PISD: variants seen among roughly 807,000 people sequenced by gnomAD.
The protein encoded by PISD is phosphatidylserine decarboxylase proenzyme, mitochondrial.
In PISD, 31 loss-of-function variants were observed where a neutral mutation model predicts 43.5. The observed-to-expected ratio is 0.71, with a 90% confidence interval of 0.54 to 0.96. The LOEUF is 0.96. PISD is among the 40% of genes least tolerant of loss of function. The pLI is 0.00. For missense variants in PISD, 523 were observed against 548.4 expected (o/e 0.95, Z 0.46); for synonymous variants, 259 against 228.7 (o/e 1.13, Z -1.20).
At chr22:31,634,789 G>C (rs2073357688) in intron 3 of PISD, among the ~76,000 whole-genome samples, 1 of 124,528 alleles carries the variant, frequency 8.0e-6, no homozygotes, top group African/African-American at 3.1e-5. Flanking sequence ...AGTGAGCTGA[G>C]ATTGCCACTG....
At chr22:31,657,345 C>A (rs2074207915) in intron 1 of PISD, among the ~76,000 whole-genome samples, 1 of 151,976 alleles carries the variant, frequency 6.6e-6, no homozygotes, top group Non-Finnish European at 1.5e-5. Context: ...CCTTCTTGGC[C>A]AGACTGATCT....
Position 31,619,122 on chromosome 22 carries a change from G to A in PISD, c.*490C>T, listed in dbSNP as rs17833937. 1.8e-3 allele frequency: 443 copies of A among 242,506 alleles called. 4 individuals carry two copies. The highest frequency in any genetic ancestry group is 8.7e-3 in the South Asian group (187 of 21,394). 15.0% of individuals were successfully genotyped at this position (242,506 alleles called of 1,614,324 possible). ...TGTGGGAACGGAAAGCAGTTGTCACGAAGGCTGTGTGGCTCTGCTGGGGGA... is the reference window on the plus strand; with the variant it reads ...TGTGGGAACGGAAAGCAGTTGTCACAAAGGCTGTGTGGCTCTGCTGGGGGA... On this transcript the variant is annotated 3_prime_UTR_variant, in exon 8 of 8. Coordinates refer to ENST00000439502, the MANE Select transcript of PISD (RefSeq NM_001326411.2).
At position 31,621,808 on chromosome 22, in the gene PISD, G is replaced by A. The variant is rs1410883373; in HGVS notation, c.399C>T (p.His133=). 1.2e-6 allele frequency: 2 copies of A among 1,613,772 alleles called. No homozygotes were observed. The highest frequency in any genetic ancestry group is 1.7e-6 in the Non-Finnish European group (2 of 1,180,030). Residue 133 remains histidine (H), a synonymous_variant, in exon 4 of 8, where the codon CAC becomes CAT. Transcript: ENST00000439502. ...WGRLNQVELP[H]WLRRPVYSLY... Reference sequence around the variant, plus strand: ...GGCTGTAGACGGGCCTGCGCAGCCAGTGTGGCAGCTCCACCTGATTGAGGC... The same window carrying A: ...GGCTGTAGACGGGCCTGCGCAGCCAATGTGGCAGCTCCACCTGATTGAGGC...
upstream of PISD, chr22:31,662,324 CCGA>C: frequency 9.4e-7 from 1 of 1,060,242 alleles, no homozygotes; most frequent in Non-Finnish European, 1.4e-6. Flanking sequence ...GGGGGCGGAG[CCGA>C]CTAAGCTCCG....
At chr22:31,646,678 GT>G (rs760222952) in intron 3 of PISD, among the ~76,000 whole-genome samples, 4 of 152,084 alleles carry the variant, frequency 2.6e-5, no homozygotes, top group Non-Finnish European at 5.9e-5. Flanking sequence ...CTTGAGGGGG[GT>G]CATGCAGTCA....
rs1601440267 is a variant in PISD, at chr22:31,651,530, C to T, written c.66-752G>A. On this transcript the variant is annotated intron_variant, in intron 1 of 7. Coordinates refer to ENST00000439502, the MANE Select transcript of PISD (RefSeq NM_001326411.2). ...TTGGGAGGCCGAGGCGGGCAGATCA[C>T]CTGAGGTTGGGAGTTCGAGACCAGC... Among the ~76,000 whole-genome samples, 3 of 152,094 alleles carry T rather than the reference C, an allele frequency of 2.0e-5. No homozygotes were observed. The East Asian group carries it at 5.8e-4, about 29-fold the overall frequency.
At position 31,618,527 on chromosome 22, in the gene PISD, C is replaced by CAATT. The variant is rs562756194; in HGVS notation, c.*1081_*1084dup. The stretch of plus-strand genomic sequence containing the variant: ...ATTTTTTTTATTTCAAAATGCTTTG[C>CAATT]AATTAAATGAATTACTGTTCAGAAG... On this transcript the variant is annotated 3_prime_UTR_variant, in exon 8 of 8. Transcript: ENST00000439502. 5.1e-4 allele frequency: 571 copies of CAATT among 1,113,136 alleles called. 2 individuals are homozygous for CAATT. Among genetic ancestry groups the CAATT allele is most frequent in the African/African-American group, 3.5e-3 (224 of 63,360 alleles). 69.0% of individuals were successfully genotyped at this position (1,113,136 alleles called of 1,614,324 possible). A position where few individuals can be genotyped will look rare whatever the true frequency, so the allele number is the denominator to read the frequency against.
intron 3 of PISD, among the ~76,000 whole-genome samples, chr22:31,646,610 AG>A (rs1279357710): frequency 6.6e-6 from 1 of 152,226 alleles, no homozygotes; most frequent in African/African-American, 2.4e-5. Flanking sequence ...AGCTCATCAC[AG>A]GGTGAGTCAG....
At chr22:31,656,171 C>G (rs996012708) in intron 1 of PISD, among the ~76,000 whole-genome samples, 1 of 151,892 alleles carries the variant, frequency 6.6e-6, no homozygotes, top group Non-Finnish European at 1.5e-5. Context: ...GGTGAAACCC[C>G]GTCTCTACTA....
At chr22:31,643,959 A>T (rs1195559897) in intron 3 of PISD, among the ~76,000 whole-genome samples, 2 of 151,936 alleles carry the variant, frequency 1.3e-5, no homozygotes, top group Admixed American at 1.3e-4. Flanking sequence ...GAGGCAGGAG[A>T]ATGGCTTGAA....
Position 31,662,157 on chromosome 22 carries a change from G to A in PISD, c.52C>T (p.Pro18Ser). Residue 18 changes from proline to serine, a missense_variant, in exon 1 of 8, where the codon CCG (proline) becomes TCG (serine). Transcript: ENST00000439502. ...GCGCTGCTATACCTGCTCCGCCACGGCGCGACCCCGTGCAGTAATCCCAGA... is the reference window on the plus strand; with the variant it reads ...GCGCTGCTATACCTGCTCCGCCACGACGCGACCCCGTGCAGTAATCCCAGA... ...RCLGLLHGVA[P>S]WRSSLHPCEI... 3.1e-6 allele frequency: 5 copies of A among 1,607,238 alleles called. No homozygotes were observed. Among genetic ancestry groups the A allele is most frequent in the Non-Finnish European group, 4.2e-6 (5 of 1,179,796 alleles).
intron 3 of PISD, chr22:31,623,879 G>A (rs984570397): frequency 5.0e-6 from 8 of 1,600,528 alleles, no homozygotes; most frequent in Non-Finnish European, 6.8e-6. Context: ...GCACAGCCAG[G>A]TCAGTGGCCA....
intron 3 of PISD, chr22:31,629,099 C>T: frequency 1.0e-6 from 1 of 985,502 alleles, no homozygotes; most frequent in African/African-American, 1.7e-5. Flanking sequence ...CCACCCGTCC[C>T]TCACCAACCA....
intron 3 of PISD, chr22:31,627,991 G>A (rs554766764): frequency 3.3e-4 from 326 of 981,882 alleles, no homozygotes; most frequent in Non-Finnish European, 3.8e-4. Flanking sequence ...AGGCCAGGCT[G>A]GGGCACCGCA....
upstream of PISD, chr22:31,662,402 T>C (rs920976527): frequency 5.7e-5 from 34 of 598,934 alleles, no homozygotes; most frequent in African/African-American, 5.4e-4. Flanking sequence ...AGTGGAGCTG[T>C]AGGTTTCGCT....
chr22:31,619,675 G>A lies in PISD; in HGVS notation c.1167C>T (p.Asp389=), dbSNP rs778860398. The change falls in exon 8 of 8, where the codon GAC becomes GAT. Residue 389 remains aspartate (D), a synonymous_variant. Coordinates refer to ENST00000439502, the MANE Select transcript of PISD (RefSeq NM_001326411.2). The part of the protein sequence containing the change: ...TIVLIFEAPK[D]FNFQLKTGQK... ...GTCCTGTTTTCAGCTGGAAATTGAA[G>A]TCCTTGGGGGCCTCGAAGATGAGCA... 3 of 1,614,240 alleles carry A rather than the reference G, an allele frequency of 1.9e-6. No homozygotes were observed. The highest frequency in any genetic ancestry group is 2.5e-6 in the Non-Finnish European group (3 of 1,180,040).
intron 3 of PISD, among the ~76,000 whole-genome samples, chr22:31,633,670 G>A (rs1384988130): frequency 6.6e-6 from 1 of 152,082 alleles, no homozygotes; most frequent in African/African-American, 2.4e-5. Flanking sequence ...AGCCGAGATC[G>A]TACCATAGCA....
chr22:31,635,527 T>A (rs1054591179), intron 3 of PISD, among the ~76,000 whole-genome samples: 6 of 152,178 alleles, frequency 3.9e-5, no homozygotes, highest in Non-Finnish European at 8.8e-5. Context: ...CATCTCAAAC[T>A]CCTGACCTCA....
At chr22:31,648,350 CAGG>C (rs752499235) in intron 2 of PISD, 74 bp from the exon 3 acceptor site, 30 of 1,331,984 alleles carry the variant, frequency 2.3e-5, no homozygotes, top group Non-Finnish European at 3.1e-5. Flanking sequence ...ACAGCACCAA[CAGG>C]AGGGTCAGGA....
Sources: gnomAD v4.1 joint callset for allele counts (sites outside exome capture counted in the v4.1 genomes callset) on GRCh38, gnomAD v4.1.1 for gene constraint, MANE v1.5 for transcripts, NCBI Gene and HGNC (gene_info 2026-07-23, HGNC 2026-07-21) for gene names.